The following SCN1A variants were observed in gnomAD, a reference collection of about 807,000 sequenced individuals.
SCN1A encodes sodium channel protein type 1 subunit alpha.
Under a neutral mutation model 193.7 loss-of-function variants are expected in SCN1A, and 13 were observed. That is an observed-to-expected ratio of 0.07 (90% confidence interval 0.04 to 0.11). The LOEUF (loss-of-function observed/expected upper bound fraction) is 0.11. SCN1A is among the 10% of genes least tolerant of loss of function. SCN1A has a pLI of 1.00. For missense variants in SCN1A, 1,432 were observed against 2,451.1 expected, an observed-to-expected ratio of 0.58 and a Z score of 8.78; for synonymous variants, 781 against 843.6, an observed-to-expected ratio of 0.93 and a Z score of 1.29.
chr2:166,036,251 G>C lies in SCN1A; in HGVS notation c.3226C>G (p.Leu1076Val). ...CTTGTAGTTCCATTTACATCTTTAA[G>C]ATAGTCAAGATCTTTCCCAATTTCT... is the stretch of plus-strand genomic sequence containing the variant. ...TAEIGKDLDY[L>V]KDVNGTTSGI... Residue 1076 changes from leucine (L) to valine (V), a missense_variant, in exon 19 of 29, where the codon CTT becomes GTT. This residue lies in a region of SCN1A where 198 missense variants were observed against 225.8 expected (regional missense o/e 0.88). Transcript: ENST00000674923. 1 of 1,613,818 alleles carries C rather than the reference G, an allele frequency of 6.2e-7. No individual in the cohort carries two copies. Among genetic ancestry groups the C allele is most frequent in the Non-Finnish European group, 8.5e-7 (1 of 1,179,818 alleles).
chr2:166,054,406 A>G (rs1290603392), intron 7 of SCN1A, among the ~76,000 whole-genome samples: 1 of 151,816 alleles, frequency 6.6e-6, no homozygotes, highest in Non-Finnish European at 1.5e-5. Context: ...GCATATGTGA[A>G]ATTTTCTGAC....
chr2:166,108,399 A>T (rs1688930964), intron 2 of SCN1A, among the ~76,000 whole-genome samples: 1 of 152,132 alleles, frequency 6.6e-6, no homozygotes, highest in African/African-American at 2.4e-5. Context: ...ATACACTGGC[A>T]GTGTCTTACA....
At chr2:166,121,118 G>GAAAAAAAAAA (rs11299049) in intron 2 of SCN1A, among the ~76,000 whole-genome samples, 25 of 96,028 alleles carry the variant, frequency 2.6e-4, no homozygotes, top group Non-Finnish European at 4.0e-4. Flanking sequence ...GGAAAAAAAA[G>GAAAAAAAAAA]AAAAAAAAAA....
intron 19 of SCN1A, among the ~76,000 whole-genome samples, chr2:166,026,962 A>G (rs996499773): frequency 1.3e-5 from 2 of 152,120 alleles, no homozygotes; most frequent in African/African-American, 2.4e-5. Context: ...CTTAAAATCT[A>G]TTTTAATGTT....
rs67819222 is a variant in SCN1A at position 166,037,655 on chromosome 2, C to CTT, written c.2946+119_2946+120dup. On this transcript the variant is annotated intron_variant, in intron 18 of 28. Coordinates refer to ENST00000674923, the MANE Select transcript of SCN1A (RefSeq NM_001165963.4). ...AAAACAGTCACCATTAAATTATACT[C>CTT]TTTTTTTTTATTATACTTTAAGTTT... 1.0e-3 allele frequency: 861 copies of CTT among 858,808 alleles called. 1 individual carries two copies. Among genetic ancestry groups the CTT allele is most frequent in the South Asian group, 1.5e-3 (94 of 63,378 alleles). The allele number at this position is 858,808 out of a possible 1,614,324, so 53.2% of individuals were successfully genotyped here. A position where few individuals can be genotyped will look rare whatever the true frequency, so the allele number is the denominator to read the frequency against.
chr2:166,080,695 G>T (rs1320130477), intron 2 of SCN1A, among the ~76,000 whole-genome samples: 2 of 151,658 alleles, frequency 1.3e-5, no homozygotes, highest in Non-Finnish European at 2.9e-5. Context: ...AAAAAAGATT[G>T]TAAGAAAATG....
At chr2:166,033,926 G>C (rs1695979694) in intron 19 of SCN1A, among the ~76,000 whole-genome samples, 2 of 151,882 alleles carry the variant, frequency 1.3e-5, no homozygotes, top group South Asian at 4.1e-4. Flanking sequence ...AAGGAAGCTA[G>C]ACTAGGCTAT....
At chr2:166,080,133 T>G (rs1685357005) in intron 2 of SCN1A, among the ~76,000 whole-genome samples, 2 of 151,678 alleles carry the variant, frequency 1.3e-5, no homozygotes, top group Non-Finnish European at 3.0e-5. Flanking sequence ...CCATTTACAC[T>G]TACAAAGGAG....
intron 27 of SCN1A, among the ~76,000 whole-genome samples, chr2:165,995,256 G>A (rs1275402940): frequency 4.0e-5 from 6 of 151,724 alleles, no homozygotes; most frequent in Non-Finnish European, 8.8e-5. Context: ...ATCATTCTCA[G>A]GAAGGCAATA....
chr2:166,116,217 A>G (rs1465391468), intron 2 of SCN1A, among the ~76,000 whole-genome samples: 2 of 152,226 alleles, frequency 1.3e-5, no homozygotes, highest in Admixed American at 6.5e-5. Context: ...TAGTATGGAG[A>G]TCAGGTTCTA....
intron 23 of SCN1A, among the ~76,000 whole-genome samples, chr2:166,006,521 G>A (rs1213804570): frequency 2.0e-5 from 3 of 151,338 alleles, no homozygotes; most frequent in Non-Finnish European, 4.4e-5. Flanking sequence ...TAATACTCAT[G>A]ATAAGACGTT....
At chr2:166,035,078 A>T (rs1029532825) in intron 19 of SCN1A, among the ~76,000 whole-genome samples, 17 of 152,188 alleles carry the variant, frequency 1.1e-4, no homozygotes, top group African/African-American at 4.1e-4. Context: ...AGGAGCTACA[A>T]GAATATTTCT....
chr2:166,055,002 T>A (rs1698984684), intron 6 of SCN1A, among the ~76,000 whole-genome samples: 1 of 152,052 alleles, frequency 6.6e-6, no homozygotes, highest in South Asian at 2.1e-4. Context: ...ATATGAAATC[T>A]ATTTAGCCAT....
At chr2:166,015,076 T>C (rs758052328) in intron 20 of SCN1A, among the ~76,000 whole-genome samples, 1 of 151,846 alleles carries the variant, frequency 6.6e-6, no homozygotes, top group Non-Finnish European at 1.5e-5. Flanking sequence ...ACAGGAAATA[T>C]TAGTTGTAGG....
In SCN1A at chr2:166,037,773, T is replaced by C. The variant is rs1450828178; in HGVS notation, c.2946+3A>G. 4 of 1,613,926 alleles carry C rather than the reference T, an allele frequency of 2.5e-6. No homozygotes were observed. Among genetic ancestry groups the C allele is most frequent in the Non-Finnish European group, 3.4e-6 (4 of 1,179,820 alleles). On this transcript the variant is annotated splice_donor_region_variant and intron_variant, in intron 18 of 28. Transcript: ENST00000674923. ...AAAATGCATATCTTAAGTGGGTACA[T>C]ACCACTAGGTTTCCAATCACCATGA...
At chr2:166,088,852 T>C (rs1175271243) in intron 2 of SCN1A, among the ~76,000 whole-genome samples, 2 of 152,008 alleles carry the variant, frequency 1.3e-5, no homozygotes, top group South Asian at 2.1e-4. Flanking sequence ...GACTGGCAGA[T>C]TGGAAGTAGG....
rs10525602 is a variant in SCN1A at position 166,088,056 on chromosome 2, T to TTGTG, written c.-141-10259_-141-10256dup. On this transcript the variant is annotated intron_variant, in intron 2 of 28. Coordinates refer to ENST00000674923, the MANE Select transcript of SCN1A (RefSeq NM_001165963.4). ...TCTGTCAATCCCACAATCTGTGTGT[T>TTGTG]TGTGTGTGTGTGTGTGTGTGTGTGT... 8.3e-3 allele frequency among the ~76,000 whole-genome samples: 1,220 copies of TTGTG among 146,832 alleles called. 15 individuals carry two copies. The highest frequency in any genetic ancestry group is 0.048 in the South Asian group (222 of 4,630).
At position 166,041,333 on chromosome 2, in the gene SCN1A, G is replaced by A. The variant is rs1252933161; in HGVS notation, c.2313C>T (p.Asp771=). ...VNLVVMDPFV[D]LAITICIVLN... is the part of the protein sequence containing the mutation. ...AGACAATACAGATGGTGATGGCCAG[G>A]TCAACAAATGGGTCCATCACAACCA... Residue 771 remains aspartate, a synonymous_variant, in exon 16 of 29, where the codon GAC becomes GAT. Transcript: ENST00000674923. 2.5e-6 allele frequency: 4 copies of A among 1,613,662 alleles called. No homozygotes were observed. Among genetic ancestry groups the A allele is most frequent in the Non-Finnish European group, 3.4e-6 (4 of 1,179,680 alleles).
At chr2:166,093,741 A>T (rs965409936) in intron 2 of SCN1A, among the ~76,000 whole-genome samples, 1 of 152,226 alleles carries the variant, frequency 6.6e-6, no homozygotes, top group Non-Finnish European at 1.5e-5. Flanking sequence ...ATGTAAAAAC[A>T]CTGAACATAA....
Sources: gnomAD v4.1 joint callset for allele counts (sites outside exome capture counted in the v4.1 genomes callset) on GRCh38, gnomAD v4.1.1 for gene constraint, gnomAD v4.1.1 regional missense constraint, MANE v1.5 for transcripts, NCBI Gene and HGNC (gene_info 2026-07-23, HGNC 2026-07-21) for gene names.